Variants in CDC14B observed in about 807,000 individuals in gnomAD.
CDC14B encodes the protein dual specificity protein phosphatase CDC14B.
A neutral mutation model predicts 64.2 loss-of-function variants in CDC14B; 22 were observed. The ratio of observed to expected loss-of-function variants is 0.34; its 90% CI spans 0.24 to 0.49. CDC14B has a LOEUF of 0.49. Among genes scored for constraint, CDC14B ranks in the 20% least tolerant of loss-of-function variants. The pLI, the probability that CDC14B is intolerant of heterozygous loss-of-function variation, is 0.99. For synonymous variants in CDC14B, 191 were observed against 215.8 expected, an observed-to-expected ratio of 0.89 and a Z score of 1.01; for missense variants, 498 against 629.9, an observed-to-expected ratio of 0.79 and a Z score of 2.24.
chr9:96,614,115 T>C (rs1847483400), intron 1 of CDC14B, among the ~76,000 whole-genome samples: 1 of 152,206 alleles, frequency 6.6e-6, no homozygotes, highest in African/African-American at 2.4e-5. Context: ...CTTTAAAAGT[T>C]AGATCATGGC....
intron 4 of CDC14B, among the ~76,000 whole-genome samples, chr9:96,555,918 C>T (rs113926390): frequency 1.4e-5 from 2 of 139,670 alleles, no homozygotes; most frequent in Non-Finnish European, 3.2e-5. Flanking sequence ...TACTAACATA[C>T]GTTTCAAAAC....
At chr9:96,545,366 T>C (rs762974111) in intron 5 of CDC14B, among the ~76,000 whole-genome samples, 60 of 142,834 alleles carry the variant, frequency 4.2e-4, no homozygotes, top group Non-Finnish European at 4.7e-4. Context: ...CCCCCTGGAG[T>C]GAGTGCAGTG....
At chr9:96,588,380 T>G (rs149582212) in intron 1 of CDC14B, among the ~76,000 whole-genome samples, 2 of 152,322 alleles carry the variant, frequency 1.3e-5, no homozygotes, top group Admixed American at 6.5e-5. Flanking sequence ...TAAGAGAAAT[T>G]TGCTTATACT....
At chr9:96,546,512 C>T (rs1840871666) in intron 5 of CDC14B, among the ~76,000 whole-genome samples, 1 of 151,646 alleles carries the variant, frequency 6.6e-6, no homozygotes, top group Admixed American at 6.6e-5. Context: ...TGCAATGACA[C>T]GATCTCAGCT....
chr9:96,564,885 A>C, intron 2 of CDC14B, 33 bp from the exon 3 acceptor site: 1 of 1,392,084 alleles, frequency 7.2e-7, no homozygotes, highest in Non-Finnish European at 1.0e-6. Context: ...TGTGATGTAC[A>C]TTCTAGATGC....
At chr9:96,540,846 C>T (rs1404925668) in intron 6 of CDC14B, among the ~76,000 whole-genome samples, 1 of 152,158 alleles carries the variant, frequency 6.6e-6, no homozygotes, top group African/African-American at 2.4e-5. Context: ...GGAGCCGCCT[C>T]AGAGCTCATG....
intron 5 of CDC14B, among the ~76,000 whole-genome samples, chr9:96,549,662 TA>T (rs797012054): frequency 3.5e-3 from 494 of 140,324 alleles, no homozygotes; most frequent in Admixed American, 3.9e-3. Context: ...AGACTCCGTC[TA>T]AAAAAAAAAA....
rs1476065818 is a variant in CDC14B at position 96,563,652 on chromosome 9, C to A, written c.328-867G>T. The stretch of plus-strand genomic sequence containing the variant: ...GCAACAAGAGCGAAACTCTGTCTCA[C>A]GGGAAAAAAAAAAAAAAAAAAAAGG... On this transcript the variant is annotated intron_variant, in intron 3 of 13. Transcript: ENST00000375241. 7.7e-5 allele frequency among the ~76,000 whole-genome samples: 9 copies of A among 116,588 alleles called. No homozygotes were observed. The East Asian group carries it at 1.4e-3, about 18-fold the overall frequency. The allele number at this position is 116,588 out of a possible 152,430, so 76.5% of individuals were successfully genotyped here.
rs747750265 is a variant in CDC14B at position 96,609,621 on chromosome 9, G to A, written c.160+9598C>T. On this transcript the variant is annotated intron_variant, in intron 1 of 13. Coordinates refer to ENST00000375241, the MANE Select transcript of CDC14B (RefSeq NM_033331.4). Reference sequence around the variant, plus strand: ...CGCAAAGAATGATTCAGCTGAGATGGTCCTAAAATTGAGAGAAGGCTTTGC... The same window carrying A: ...CGCAAAGAATGATTCAGCTGAGATGATCCTAAAATTGAGAGAAGGCTTTGC... Among the ~76,000 whole-genome samples the A allele has an allele frequency of 3.3e-5, 5 of 152,248 alleles. No individual in the cohort carries two copies. The East Asian group carries it at 9.7e-4, about 29-fold the overall frequency.
intron 13 of CDC14B, among the ~76,000 whole-genome samples, chr9:96,509,392 A>G (rs1190282013): frequency 1.3e-5 from 2 of 152,268 alleles, no homozygotes; most frequent in Non-Finnish European, 2.9e-5. Flanking sequence ...AAGTCCTGAC[A>G]GCCAGCTTTG....
intron 9 of CDC14B, among the ~76,000 whole-genome samples, chr9:96,531,174 G>A (rs1838420533): frequency 6.6e-6 from 1 of 152,146 alleles, no homozygotes; most frequent in Non-Finnish European, 1.5e-5. Flanking sequence ...GTTAGAAAGT[G>A]TTCCTTTTTC....
At chr9:96,570,076 A>T (rs1844381700) in intron 1 of CDC14B, among the ~76,000 whole-genome samples, 1 of 152,188 alleles carries the variant, frequency 6.6e-6, no homozygotes, top group South Asian at 2.1e-4. Context: ...GATATAGGAG[A>T]AAGAAACAAA....
intron 7 of CDC14B, among the ~76,000 whole-genome samples, chr9:96,537,028 A>G (rs1426319162): frequency 6.6e-6 from 1 of 152,160 alleles, no homozygotes; most frequent in Non-Finnish European, 1.5e-5. Flanking sequence ...CGTGGCTTAC[A>G]TCTGTAATCC....
At chr9:96,536,816 A>T (rs1242017856) in intron 7 of CDC14B, among the ~76,000 whole-genome samples, 1 of 152,222 alleles carries the variant, frequency 6.6e-6, no homozygotes, top group African/African-American at 2.4e-5. Flanking sequence ...AGGAGGCTAC[A>T]ACTACTCTGG....
chr9:96,516,400 T>C (rs1173414824), intron 12 of CDC14B, among the ~76,000 whole-genome samples: 2 of 152,134 alleles, frequency 1.3e-5, no homozygotes, highest in African/African-American at 4.8e-5. Flanking sequence ...ACTATAGACT[T>C]TTCTTAGTTG....
intron 1 of CDC14B, among the ~76,000 whole-genome samples, chr9:96,609,444 G>A (rs1317117337): frequency 1.3e-5 from 2 of 152,026 alleles, no homozygotes; most frequent in African/African-American, 4.8e-5. Flanking sequence ...AGGGAAAAGG[G>A]GCATGTTATA....
At chr9:96,611,845 C>T (rs1163443395) in intron 1 of CDC14B, among the ~76,000 whole-genome samples, 1 of 152,100 alleles carries the variant, frequency 6.6e-6, no homozygotes. Flanking sequence ...TATACAAGAG[C>T]ATTTTTTAAA....
chr9:96,556,985 G>A (rs538735876), intron 4 of CDC14B, among the ~76,000 whole-genome samples: 14 of 152,248 alleles, frequency 9.2e-5, no homozygotes, highest in Admixed American at 2.0e-4. Flanking sequence ...AACAATGACC[G>A]GAACAAGGAT....
chr9:96,523,446 T>C (rs954745154), intron 10 of CDC14B, 26 bp from the exon 11 acceptor site: 2 of 1,608,152 alleles, frequency 1.2e-6, no homozygotes, highest in Admixed American at 3.4e-5. Flanking sequence ...AACATCAAAA[T>C]AGAGCTTTCC....
Sources: gnomAD v4.1 joint callset for allele counts (sites outside exome capture counted in the v4.1 genomes callset) on GRCh38, gnomAD v4.1.1 for gene constraint, MANE v1.5 for transcripts, NCBI Gene and HGNC (gene_info 2026-07-23, HGNC 2026-07-21) for gene names.